The following GLRB variants were observed in gnomAD, a reference collection of about 807,000 sequenced individuals.
The protein encoded by GLRB is glycine receptor beta.
A neutral mutation model predicts 54.2 loss-of-function variants in GLRB; 33 were observed. The ratio of observed to expected loss-of-function variants is 0.61; its 90% CI spans 0.46 to 0.81. The LOEUF is 0.81. Among genes scored for constraint, GLRB ranks in the 40% least tolerant of loss-of-function variants. The probability of loss-of-function intolerance (pLI) is 0.00; values close to 1 mark genes in which losing one functional copy is unlikely to be tolerated. For synonymous variants in GLRB, 209 were observed against 208.2 expected, an observed-to-expected ratio of 1.00 and a Z score of -0.03; for missense variants, 572 against 584.6, an observed-to-expected ratio of 0.98 and a Z score of 0.22.
intron 2 of GLRB, among the ~76,000 whole-genome samples, chr4:157,091,822 C>G (rs190912201): frequency 6.6e-6 from 1 of 152,306 alleles, no homozygotes; most frequent in Non-Finnish European, 1.5e-5. Context: ...CTTCGTGACA[C>G]TATTCTGTTG....
At position 157,138,831 on chromosome 4, in the gene GLRB, A is replaced by G; in HGVS notation, c.633A>G (p.Leu211=). The G allele has an allele frequency of 6.4e-7, 1 of 1,558,550 alleles. No individual in the cohort carries two copies. Among genetic ancestry groups the G allele is most frequent in the East Asian group, 2.3e-5 (1 of 44,424 alleles). Residue 211 remains leucine (L), a synonymous_variant, in exon 7 of 10, where the codon TTA becomes TTG. Transcript: ENST00000264428. ...LESFGYTTDD[L]RFIWQSGDPV... ...TAGTTGGTTACACAACTGATGATTTACGATTTATCTGGCAGTCAGGAGATC... is the reference window on the plus strand; with the variant it reads ...TAGTTGGTTACACAACTGATGATTTGCGATTTATCTGGCAGTCAGGAGATC...
At chr4:157,155,237 T>TC in intron 9 of GLRB, among the ~76,000 whole-genome samples, 1 of 152,154 alleles carries the variant, frequency 6.6e-6, no homozygotes, top group East Asian at 1.9e-4. Flanking sequence ...CAAGCAATCC[T>TC]CCCACCTAAG....
chr4:157,168,767 T>C (rs1315734117), intron 9 of GLRB, among the ~76,000 whole-genome samples: 1 of 152,150 alleles, frequency 6.6e-6, no homozygotes, highest in African/African-American at 2.4e-5. Context: ...ATTTTACAAA[T>C]ATATATATGG....
chr4:157,079,285 C>T (rs1309027387), intron 2 of GLRB, among the ~76,000 whole-genome samples: 1 of 152,080 alleles, frequency 6.6e-6, no homozygotes, highest in African/African-American at 2.4e-5. Context: ...TCATAGATAA[C>T]ATTTTATTCC....
chr4:157,149,371 G>A (rs540289685), intron 8 of GLRB, among the ~76,000 whole-genome samples: 77 of 152,058 alleles, frequency 5.1e-4, no homozygotes, highest in African/African-American at 1.6e-3. Context: ...AAGCTATTTC[G>A]CCAAGTATGG....
chr4:157,110,536 C>A (rs2126505620), intron 2 of GLRB, among the ~76,000 whole-genome samples: 1 of 151,994 alleles, frequency 6.6e-6, no homozygotes, highest in Admixed American at 6.6e-5. Flanking sequence ...GTGTATTGTT[C>A]TCCTGAGCAT....
chr4:157,158,454 T>C (rs1352386625), intron 9 of GLRB, among the ~76,000 whole-genome samples: 1 of 152,248 alleles, frequency 6.6e-6, no homozygotes, highest in Non-Finnish European at 1.5e-5. Flanking sequence ...CTAGAGTTTT[T>C]ATGATTTTAG....
At chr4:157,131,298 C>A (rs796368915) in intron 4 of GLRB, among the ~76,000 whole-genome samples, 1 of 151,534 alleles carries the variant, frequency 6.6e-6, no homozygotes, top group Non-Finnish European at 1.5e-5. Context: ...GTATTTTTTG[C>A]ATTCACTTTT....
intron 8 of GLRB, among the ~76,000 whole-genome samples, chr4:157,149,489 G>A (rs1385512429): frequency 6.6e-6 from 1 of 151,940 alleles, no homozygotes; most frequent in Admixed American, 6.6e-5. Context: ...TTCTGCTAAA[G>A]GGAATACTTT....
intron 9 of GLRB, among the ~76,000 whole-genome samples, chr4:157,164,863 G>A (rs1737651447): frequency 1.3e-5 from 2 of 151,968 alleles, no homozygotes; most frequent in Admixed American, 6.6e-5. Context: ...TATCTTTAAA[G>A]CATTAAAATT....
intron 2 of GLRB, among the ~76,000 whole-genome samples, chr4:157,082,970 ATAT>A (rs1226172938): frequency 6.8e-6 from 1 of 148,046 alleles, no homozygotes; most frequent in Non-Finnish European, 1.5e-5. Context: ...TGTTTTATAT[ATAT>A]ATATATATAT....
intron 6 of GLRB, among the ~76,000 whole-genome samples, chr4:157,137,321 T>A (rs1033366331): frequency 4.6e-5 from 7 of 152,146 alleles, no homozygotes; most frequent in African/African-American, 1.7e-4. Flanking sequence ...TGTAAACAAC[T>A]TTTTTACAAA....
At chr4:157,112,316 T>A (rs1413430845) in intron 2 of GLRB, among the ~76,000 whole-genome samples, 2 of 131,734 alleles carry the variant, frequency 1.5e-5, no homozygotes, top group Admixed American at 7.2e-5. Flanking sequence ...TAAATACCAT[T>A]TTTTTTATAT....
Position 157,129,548 on chromosome 4 carries a change from C to T in GLRB, c.298-6921C>T, listed in dbSNP as rs140745981. 2.0e-3 allele frequency among the ~76,000 whole-genome samples: 309 copies of T among 151,724 alleles called. 1 individual carries two copies. The highest frequency in any genetic ancestry group is 7.0e-3 in the African/African-American group (290 of 41,458). On this transcript the variant is annotated intron_variant, in intron 4 of 9. Coordinates refer to ENST00000264428, the MANE Select transcript of GLRB (RefSeq NM_000824.5). ...AGATACATAAGCTTGCTGGAACTTG[C>T]GTGGAATCATAGTATTATATGGCCT...
intron 2 of GLRB, among the ~76,000 whole-genome samples, chr4:157,094,577 C>T (rs537784036): frequency 6.6e-6 from 1 of 152,094 alleles, no homozygotes; most frequent in South Asian, 2.1e-4. Flanking sequence ...AAGAGAGTAG[C>T]CTAAAGGCCA....
chr4:157,170,456 G>A lies in GLRB; in HGVS notation c.1222G>A (p.Val408Ile). 2 of 1,607,248 alleles carry A rather than the reference G, an allele frequency of 1.2e-6. No homozygotes were observed. Among genetic ancestry groups the A allele is most frequent in the Non-Finnish European group, 8.5e-7 (1 of 1,174,170 alleles). ...GGTTGGTGAGACCAGATGCAAAAAA[G>A]TTTGTACTTCTAAGTCTGATCTGAG... The part of the protein sequence containing the change: ...LQVGETRCKK[V>I]CTSKSDLRSN... Residue 408 changes from valine to isoleucine, a missense_variant, in exon 10 of 10, where the codon GTT (valine) becomes ATT (isoleucine). By Grantham distance (29) the Val-to-Ile change is conservative. Coordinates refer to ENST00000264428, the MANE Select transcript of GLRB (RefSeq NM_000824.5).
chr4:157,107,646 A>T (rs1735274233), intron 2 of GLRB, among the ~76,000 whole-genome samples: 1 of 152,132 alleles, frequency 6.6e-6, no homozygotes, highest in East Asian at 1.9e-4. Flanking sequence ...AGGTTGGTTC[A>T]TGAGGTTGAA....
At chr4:157,145,236 G>A (rs550124028) in intron 8 of GLRB, among the ~76,000 whole-genome samples, 26 of 152,296 alleles carry the variant, frequency 1.7e-4, no homozygotes, top group Admixed American at 1.7e-3. Context: ...TTCCTGAGCT[G>A]TGACTTGATA....
intron 2 of GLRB, among the ~76,000 whole-genome samples, chr4:157,117,449 C>T (rs1037982743): frequency 2.0e-5 from 3 of 151,668 alleles, no homozygotes; most frequent in East Asian, 2.0e-4. Context: ...TGTTTAATCA[C>T]GTGAACATGA....
Sources: allele counts gnomAD v4.1 joint callset (sites outside exome capture counted in the v4.1 genomes callset), GRCh38; gene constraint gnomAD v4.1.1; transcripts MANE v1.5; gene names NCBI Gene and HGNC (gene_info 2026-07-23, HGNC 2026-07-21).